The following C18orf63 variants were observed in gnomAD, a reference collection of about 807,000 sequenced individuals.
The protein encoded by C18orf63 is uncharacterized protein C18orf63.
In C18orf63, 50 loss-of-function variants were observed where a neutral mutation model predicts 75.3. The ratio of observed to expected loss-of-function variants is 0.66; its 90% CI spans 0.53 to 0.84. The LOEUF (loss-of-function observed/expected upper bound fraction) is 0.84, where lower values mean the gene tolerates loss of function less well. C18orf63 is among the 40% of genes least tolerant of loss of function. C18orf63 has a pLI of 0.00. For synonymous variants in C18orf63, 232 were observed against 267.6 expected (o/e 0.87, Z 1.30); for missense variants, 732 against 800.2 (o/e 0.91, Z 1.03).
intron 12 of C18orf63, 63 bp downstream of exon 12, chr18:74,354,331 G>A: frequency 7.3e-7 from 1 of 1,363,316 alleles, no homozygotes; most frequent in Non-Finnish European, 9.7e-7. Context: ...CCCTAAATAA[G>A]GATTTAAATG....
chr18:74,352,494 T>C (rs1221167562), intron 11 of C18orf63, among the ~76,000 whole-genome samples: 2 of 152,176 alleles, frequency 1.3e-5, no homozygotes, highest in Non-Finnish European at 2.9e-5. Context: ...TCTGACAAAT[T>C]TCTTTGACAA....
At chr18:74,318,886 CAAAG>C (rs1445056800) in intron 2 of C18orf63, among the ~76,000 whole-genome samples, 1 of 151,724 alleles carries the variant, frequency 6.6e-6, no homozygotes. Flanking sequence ...TTGAGGCACT[CAAAG>C]GAAGAGTCAT....
rs748241756 is a variant in C18orf63, at chr18:74,327,996, C to T, written c.320C>T (p.Ser107Leu). 3.9e-6 allele frequency: 6 copies of T among 1,535,646 alleles called. No individual in the cohort carries two copies. In the South Asian group the frequency reaches 7.1e-5, roughly 18 times the overall value. Residue 107 changes from serine (S) to leucine (L), a missense_variant, in exon 5 of 14, where the codon TCA (serine) becomes TTA (leucine). By Grantham distance (145) the Ser-to-Leu change is moderately radical. Around this residue, in one of 3 missense-constraint regions of C18orf63, gnomAD observed 233 missense variants for 272.7 expected, o/e 0.85. Coordinates refer to ENST00000579455, the MANE Select transcript of C18orf63 (RefSeq NM_001174123.2). ...VIPVILQNCL[S>L]YSFMARLAPA... ...CCTGTAATTCTTCAGAACTGCCTGT[C>T]ATATTCATTCATGGCTAGACTTGCT...
chr18:74,326,131 C>T (rs1214972791), intron 4 of C18orf63, among the ~76,000 whole-genome samples: 1 of 152,160 alleles, frequency 6.6e-6, no homozygotes, highest in African/African-American at 2.4e-5. Context: ...TTGAGGTCAG[C>T]ATTATGGAGT....
In C18orf63 at chr18:74,336,765, C is replaced by T. The variant is rs77533563; in HGVS notation, c.502-1950C>T. ...ATTTATGTGTCACCTTCCTCAACCC[C>T]AAATCTGTTCCCCCTGTGTAATTAT... On this transcript the variant is annotated intron_variant, in intron 7 of 13. Coordinates refer to ENST00000579455, the MANE Select transcript of C18orf63 (RefSeq NM_001174123.2). Among the ~76,000 whole-genome samples the T allele has an allele frequency of 6.5e-3, 988 of 152,198 alleles. 31 individuals are homozygous for T. The highest frequency in any genetic ancestry group is 0.022 in the East Asian group (116 of 5,182).
At chr18:74,326,238 A>G (rs900372712) in intron 4 of C18orf63, among the ~76,000 whole-genome samples, 4 of 152,214 alleles carry the variant, frequency 2.6e-5, no homozygotes, top group African/African-American at 9.6e-5. Flanking sequence ...TCCTGGAAAC[A>G]TTCACCAGAA....
chr18:74,353,936 GT>G lies in C18orf63; in HGVS notation c.1670del (p.Val557GlyfsTer2). 1 of 1,536,044 alleles carries G rather than the reference GT, an allele frequency of 6.5e-7. No individual in the cohort carries two copies. The highest frequency in any genetic ancestry group is 8.7e-7 in the Non-Finnish European group (1 of 1,146,796). ...VFVVSNNNLG[V>X]VKSAVDFQMK... The stretch of plus-strand genomic sequence containing the variant: ...TGTGGTGTCAAATAACAATTTAGGG[GT>G]GGTAAAAAGTGCTGTTGACTTCCAA... On this transcript the variant is annotated frameshift_variant, in exon 12 of 14. Transcript: ENST00000579455. LOFTEE classifies it high-confidence loss of function.
rs1019631021 is a variant in C18orf63 at position 74,357,597 on chromosome 18, A to G, written c.*1150A>G. 1.1e-4 allele frequency: 16 copies of G among 152,226 alleles called. No homozygotes were observed. Among genetic ancestry groups the G allele is most frequent in the African/African-American group, 3.9e-4 (16 of 41,462 alleles). 9.4% of individuals were successfully genotyped at this position (152,226 alleles called of 1,614,324 possible). A position where few individuals can be genotyped will look rare whatever the true frequency, so the allele number is the denominator to read the frequency against. ...AAAAATAGCCACTAGAGATCCAAGTATAAGTTGAACTCTGATTTTGTAAAT... is the reference window on the plus strand; with the variant it reads ...AAAAATAGCCACTAGAGATCCAAGTGTAAGTTGAACTCTGATTTTGTAAAT... On this transcript the variant is annotated 3_prime_UTR_variant, in exon 14 of 14. Transcript: ENST00000579455.
At chr18:74,331,370 T>G (rs1984303305) in intron 7 of C18orf63, among the ~76,000 whole-genome samples, 1 of 152,216 alleles carries the variant, frequency 6.6e-6, no homozygotes, top group Admixed American at 6.5e-5. Context: ...TAACACTTTC[T>G]GTCTTCTTAG....
chr18:74,353,814 C>T lies in C18orf63; in HGVS notation c.1547C>T (p.Thr516Ile), dbSNP rs939150922. The change falls in exon 12 of 14, where the codon ACA (threonine) becomes ATA (isoleucine). Residue 516 changes from threonine to isoleucine, a missense_variant. Around this residue, in one of 3 missense-constraint regions of C18orf63, gnomAD observed 495 missense variants for 508.7 expected, o/e 0.97. Transcript: ENST00000579455. ...ENSRPLQEKN[T>I]ESSENMTKFP... ...TCCAGACCTCTGCAAGAAAAAAATA[C>T]AGAGTCTTCTGAAAATATGACAAAA... 1 of 1,535,762 alleles carries T rather than the reference C, an allele frequency of 6.5e-7. No homozygotes were observed. Among genetic ancestry groups the T allele is most frequent in the Non-Finnish European group, 8.7e-7 (1 of 1,146,676 alleles).
chr18:74,350,653 C>T (rs1452465586), intron 11 of C18orf63, among the ~76,000 whole-genome samples: 1 of 152,030 alleles, frequency 6.6e-6, no homozygotes, highest in African/African-American at 2.4e-5. Flanking sequence ...TAATACAAAC[C>T]CCTTCTTGAT....
intron 11 of C18orf63, 90 bp from the exon 12 acceptor site, chr18:74,353,153 ATTC>A (rs756085000): frequency 1.3e-4 from 111 of 871,728 alleles, no homozygotes; most frequent in Non-Finnish European, 1.8e-4. Flanking sequence ...GTTGCTTTAT[ATTC>A]TTATTTGGAT....
intron 1 of C18orf63, among the ~76,000 whole-genome samples, chr18:74,316,721 CATA>C (rs1323487509): frequency 2.0e-5 from 3 of 152,226 alleles, no homozygotes; most frequent in Non-Finnish European, 4.4e-5. Context: ...ATCCGTAGAT[CATA>C]ATAAGGCTTG....
At chr18:74,325,033 G>T (rs747603348) in intron 4 of C18orf63, among the ~76,000 whole-genome samples, 7 of 152,080 alleles carry the variant, frequency 4.6e-5, no homozygotes, top group Non-Finnish European at 8.8e-5. Context: ...AACATGTCAA[G>T]CACTCTACTT....
At chr18:74,342,385 G>C in intron 10 of C18orf63, 59 bp downstream of exon 10, 1 of 1,003,546 alleles carries the variant, frequency 1.0e-6, no homozygotes, top group South Asian at 1.4e-5. Context: ...ATCTAGTTTT[G>C]CTCCCACTCT....
At position 74,357,893 on chromosome 18, in the gene C18orf63, T is replaced by G. The variant is rs1184698965; in HGVS notation, c.*1446T>G. ...CAAAGTTTGTATTATAGATATCTAG[T>G]AGACTGTTATAAAGAGTGGTATGTC... is the stretch of plus-strand genomic sequence containing the variant. On this transcript the variant is annotated 3_prime_UTR_variant, in exon 14 of 14. Transcript: ENST00000579455. The G allele has an allele frequency of 1.3e-5, 2 of 152,188 alleles. No homozygotes were observed. Among genetic ancestry groups the G allele is most frequent in the Non-Finnish European group, 2.9e-5 (2 of 68,020 alleles). 9.4% of individuals were successfully genotyped at this position (152,188 alleles called of 1,614,324 possible).
chr18:74,340,061 A>T (rs1427761516), intron 8 of C18orf63, among the ~76,000 whole-genome samples: 1 of 152,246 alleles, frequency 6.6e-6, no homozygotes, highest in South Asian at 2.1e-4. Flanking sequence ...CAACAGAGTG[A>T]AGAGACAACT....
chr18:74,341,926 T>G (rs1984495011), intron 8 of C18orf63, 106 bp from the exon 9 acceptor site: 45 of 610,984 alleles, frequency 7.4e-5, no homozygotes, highest in East Asian at 1.7e-4. Flanking sequence ...ATATAGCTAG[T>G]GAGATAGTTG....
At chr18:74,320,214 A>G (rs1457152084) in intron 2 of C18orf63, among the ~76,000 whole-genome samples, 2 of 152,230 alleles carry the variant, frequency 1.3e-5, no homozygotes, top group Non-Finnish European at 2.9e-5. Context: ...AACAGGAAGC[A>G]TGATTGGAGG....
Sources: allele counts gnomAD v4.1 joint callset (sites outside exome capture counted in the v4.1 genomes callset), GRCh38; gene constraint gnomAD v4.1.1; regional missense constraint gnomAD v4.1.1; transcripts MANE v1.5; gene names NCBI Gene and HGNC (gene_info 2026-07-23, HGNC 2026-07-21).